The following PSD3 variants were observed in gnomAD, a reference collection of about 807,000 sequenced individuals.
PSD3 encodes the protein pleckstrin and Sec7 domain containing 3, also known as PH and SEC7 domain-containing protein 3.
A neutral mutation model predicts 105.5 loss-of-function variants in PSD3; 49 were observed. The observed-to-expected ratio is 0.46, with a 90% CI of 0.37 to 0.59. The LOEUF (loss-of-function observed/expected upper bound fraction) is 0.59, where lower values mean the gene tolerates loss of function less well. Among genes scored for constraint, PSD3 ranks in the 20% least tolerant of loss-of-function variants. The pLI is 0.00. For missense variants in PSD3, 1,561 were observed against 1,263.8 expected (o/e 1.24, Z -3.57); for synonymous variants, 557 against 457.8 (o/e 1.22, Z -2.77).
chr8:19,070,492 A>G (rs1490324034), intron 1 of PSD3, among the ~76,000 whole-genome samples: 1 of 152,138 alleles, frequency 6.6e-6, no homozygotes, highest in Non-Finnish European at 1.5e-5. Context: ...CTTGACCAAC[A>G]TGGTGAAACG....
chr8:18,791,795 C>T (rs1361304078), intron 8 of PSD3, among the ~76,000 whole-genome samples: 2 of 152,160 alleles, frequency 1.3e-5, no homozygotes, highest in East Asian at 3.8e-4. Context: ...AGACAACCTA[C>T]AGAATGCGAG....
In PSD3 at chr8:18,535,944, T is replaced by G; in HGVS notation, c.2943A>C (p.Glu981Asp). 6.2e-7 allele frequency: 1 copy of G among 1,614,070 alleles called. No homozygotes were observed. Among genetic ancestry groups the G allele is most frequent in the Non-Finnish European group, 8.5e-7 (1 of 1,180,008 alleles). The change falls in exon 16 of 16, where the codon GAA becomes GAC. Residue 981 changes from glutamate to aspartate, a missense_variant. Transcript: ENST00000327040. The stretch of plus-strand genomic sequence containing the variant: ...CTTCCTTGAGAATGCTGACATACAT[T>G]TCATAGCGGGTTTTCTGAAGGCAAA... ...HYLEFEKTRY[E>D]MYVSILKEGG...
intron 11 of PSD3, among the ~76,000 whole-genome samples, chr8:18,615,650 G>A (rs541322250): frequency 3.7e-4 from 56 of 152,240 alleles, no homozygotes; most frequent in African/African-American, 1.2e-3. Flanking sequence ...ATAATATCTA[G>A]AGCAGTTTCT....
At chr8:18,668,751 G>C (rs1799621333) in intron 9 of PSD3, among the ~76,000 whole-genome samples, 1 of 152,052 alleles carries the variant, frequency 6.6e-6, no homozygotes, top group Non-Finnish European at 1.5e-5. Context: ...TATGTGTATT[G>C]TTCACATACA....
chr8:18,930,120 A>G (rs150554453), intron 2 of PSD3, among the ~76,000 whole-genome samples: 51 of 152,316 alleles, frequency 3.3e-4, no homozygotes, highest in African/African-American at 1.2e-3. Flanking sequence ...AAGGAAAGAC[A>G]TGACTGAAAG....
At chr8:18,712,646 A>G (rs1397612265) in intron 9 of PSD3, among the ~76,000 whole-genome samples, 2 of 152,140 alleles carry the variant, frequency 1.3e-5, no homozygotes, top group Non-Finnish European at 2.9e-5. Context: ...ATAGCCTCCC[A>G]ACCAAACAAA....
chr8:19,037,456 C>T (rs1389327629), intron 1 of PSD3, among the ~76,000 whole-genome samples: 1 of 152,196 alleles, frequency 6.6e-6, no homozygotes, highest in Non-Finnish European at 1.5e-5. Flanking sequence ...TGGCCGATTT[C>T]ATGTATTAAA....
At chr8:18,970,923 G>A (rs1433154239) in intron 1 of PSD3, among the ~76,000 whole-genome samples, 1 of 145,700 alleles carries the variant, frequency 6.9e-6, no homozygotes, top group African/African-American at 2.6e-5. Context: ...AGGTTACAGT[G>A]AGCCGAGATC....
Position 18,530,045 on chromosome 8 carries a change from A to G in PSD3, c.*5698T>C, listed in dbSNP as rs535844415. On this transcript the variant is annotated 3_prime_UTR_variant, in exon 16 of 16. Coordinates refer to ENST00000327040, the MANE Select transcript of PSD3 (RefSeq NM_015310.4). ...ATTACTGCAGCCTGGAGCTGAAGTT[A>G]GTCTCCCACCCCACAATTCAAACTC... The G allele has an allele frequency of 6.5e-6, 1 of 152,732 alleles. No homozygotes were observed. The highest frequency in any genetic ancestry group is 2.4e-5 in the African/African-American group (1 of 41,592). 9.5% of individuals were successfully genotyped at this position (152,732 alleles called of 1,614,324 possible).
intron 1 of PSD3, among the ~76,000 whole-genome samples, chr8:19,003,194 G>T (rs979279851): frequency 2.6e-5 from 4 of 152,058 alleles, no homozygotes; most frequent in Middle Eastern, 3.4e-3. Flanking sequence ...ACTGCCTCTG[G>T]TAACACAGAA....
At chr8:18,981,931 A>G (rs564693643) in intron 1 of PSD3, among the ~76,000 whole-genome samples, 1 of 152,202 alleles carries the variant, frequency 6.6e-6, no homozygotes, top group Non-Finnish European at 1.5e-5. Flanking sequence ...AACTTAAAAA[A>G]TAAGACAAAA....
intron 9 of PSD3, among the ~76,000 whole-genome samples, chr8:18,703,504 T>A (rs1801711568): frequency 1.3e-5 from 2 of 152,148 alleles, no homozygotes; most frequent in South Asian, 4.1e-4. Flanking sequence ...TAAACCAAAC[T>A]CATAAGCACA....
intron 9 of PSD3, among the ~76,000 whole-genome samples, chr8:18,695,948 G>A (rs1801231139): frequency 6.6e-6 from 1 of 152,216 alleles, no homozygotes; most frequent in African/African-American, 2.4e-5. Context: ...ACAGGAACGG[G>A]GGGAATGCAC....
intron 2 of PSD3, among the ~76,000 whole-genome samples, chr8:18,928,469 C>A (rs1351570934): frequency 1.3e-5 from 2 of 152,198 alleles, no homozygotes; most frequent in Non-Finnish European, 2.9e-5. Context: ...AAATTTCCCT[C>A]AAATGGTGAA....
rs149200702 is a variant in PSD3 at position 18,557,241 on chromosome 8, A to C, written c.2785-889T>G. ...CAAATTTCACAGGTACAATAAGATA[A>C]ATGGGTAAAGGCAAATGAAACAGAT... On this transcript the variant is annotated intron_variant, in intron 14 of 15. Coordinates refer to ENST00000327040, the MANE Select transcript of PSD3 (RefSeq NM_015310.4). Among the ~76,000 whole-genome samples, 22 of 152,334 alleles carry C rather than the reference A, an allele frequency of 1.4e-4. No individual in the cohort carries two copies. In the East Asian group the frequency reaches 4.1e-3, roughly 28 times the overall value.
chr8:18,681,651 T>G (rs1800397347), intron 9 of PSD3, among the ~76,000 whole-genome samples: 2 of 152,076 alleles, frequency 1.3e-5, no homozygotes, highest in African/African-American at 4.8e-5. Context: ...TTCAGTAATT[T>G]AGGGTACAAG....
At chr8:18,750,731 T>G (rs957248710) in intron 9 of PSD3, among the ~76,000 whole-genome samples, 1 of 152,006 alleles carries the variant, frequency 6.6e-6, no homozygotes, top group Non-Finnish European at 1.5e-5. Context: ...ACAAAGGTTC[T>G]CCACGTCCCC....
chr8:19,012,404 C>T (rs888119124), intron 1 of PSD3, among the ~76,000 whole-genome samples: 2 of 152,194 alleles, frequency 1.3e-5, no homozygotes, highest in African/African-American at 4.8e-5. Flanking sequence ...TAAATACTCT[C>T]AGAAAAGAAA....
At chr8:18,769,315 T>G (rs563100196) in intron 8 of PSD3, among the ~76,000 whole-genome samples, 1 of 152,298 alleles carries the variant, frequency 6.6e-6, no homozygotes, top group African/African-American at 2.4e-5. Flanking sequence ...TCTGCAAAAT[T>G]CAACTGCTTG....
Sources: allele counts gnomAD v4.1 joint callset (sites outside exome capture counted in the v4.1 genomes callset), GRCh38; gene constraint gnomAD v4.1.1; transcripts MANE v1.5; gene names NCBI Gene and HGNC (gene_info 2026-07-23, HGNC 2026-07-21).